The following SCO1 variants were observed in gnomAD, a reference collection of about 807,000 sequenced individuals.
SCO1 encodes cytochrome c oxidase assembly factor SCO1.
In SCO1, 23 loss-of-function variants were observed where a neutral mutation model predicts 34.0. That is an observed-to-expected ratio of 0.68 (90% CI 0.49 to 0.96). SCO1 has a LOEUF of 0.96. SCO1 is among the 40% of genes least tolerant of loss of function. SCO1 has a pLI of 0.00. For missense variants in SCO1, 404 were observed against 381.6 expected, an observed-to-expected ratio of 1.06 and a Z score of -0.49; for synonymous variants, 161 against 145.5, an observed-to-expected ratio of 1.11 and a Z score of -0.77.
chr17:10,693,037 G>T, intron 2 of SCO1, 76 bp from the exon 3 acceptor site: 2 of 1,237,000 alleles, frequency 1.6e-6, no homozygotes, highest in Non-Finnish European at 2.4e-6. Flanking sequence ...CTGACATATG[G>T]CCCGTACTAT....
rs116479738 is a variant in SCO1, at chr17:10,682,385, A to G, written c.772-1132T>C. On this transcript the variant is annotated intron_variant, in intron 5 of 5. Transcript: ENST00000255390. ...ACACCAAAAGAGCGCCAACAACTGG[A>G]TTCCAAGTGCTGTGGGATAGTTCAC... Among the ~76,000 whole-genome samples, 133 of 152,316 alleles carry G rather than the reference A, an allele frequency of 8.7e-4. 1 individual carries two copies. The highest frequency in any genetic ancestry group is 2.7e-3 in the African/African-American group (114 of 41,572).
rs770797742 is a variant in SCO1 at position 10,693,443 on chromosome 17, A to C, written c.365-482T>G. Among the ~76,000 whole-genome samples, 4 of 152,338 alleles carry C rather than the reference A, an allele frequency of 2.6e-5. No individual in the cohort carries two copies. The South Asian group carries it at 8.3e-4, about 32-fold the overall frequency. On this transcript the variant is annotated intron_variant, in intron 2 of 5. Coordinates refer to ENST00000255390, the MANE Select transcript of SCO1 (RefSeq NM_004589.4). ...AGTATATTAAAGAGAAGAGAGTTAC[A>C]ATAGGAAACAAGAGTCAACTATGGA...
chr17:10,686,753 G>A lies in SCO1; in HGVS notation c.745C>T (p.Pro249Ser), dbSNP rs1193839194. 1.2e-6 allele frequency: 2 copies of A among 1,612,652 alleles called. No individual in the cohort carries two copies. Among genetic ancestry groups the A allele is most frequent in the Non-Finnish European group, 1.7e-6 (2 of 1,178,862 alleles). The change falls in exon 5 of 6, where the codon CCC (proline) becomes TCC (serine). Residue 249 changes from proline to serine, a missense_variant. Coordinates refer to ENST00000255390, the MANE Select transcript of SCO1 (RefSeq NM_004589.4). Reference protein sequence around the residue: ...RAYRVYYSPGPKDEDEDYIVD... With the variant: ...RAYRVYYSPGSKDEDEDYIVD... ...ATGTAGTCTTCATCTTCGTCCTTGG[G>A]GCCAGGGCTGTAATACACTCTGTAT...
Position 10,676,658 on chromosome 17 carries a change from G to A in SCO1, c.*4461C>T, listed in dbSNP as rs998966122. The A allele has an allele frequency of 4.6e-5, 7 of 152,300 alleles. No homozygotes were observed. In the South Asian group the frequency reaches 1.5e-3, roughly 32 times the overall value. 9.4% of individuals were successfully genotyped at this position (152,300 alleles called of 1,614,324 possible). A position where few individuals can be genotyped will look rare whatever the true frequency, so the allele number is the denominator to read the frequency against. The stretch of plus-strand genomic sequence containing the variant: ...TCTCATGAAATAGTGCACAGAGTCA[G>A]TGACTTTAAGGCCCCTTATGAGGGG... On this transcript the variant is annotated 3_prime_UTR_variant, in exon 6 of 6. Transcript: ENST00000255390.
rs1357447748 is a variant in SCO1, at chr17:10,686,960, C to A, written c.656-118G>T. ...ACTGCCACTTTCTTCCTGTGAGTCT[C>A]CAAACATTTCTTCACGATTCAAAGG... On this transcript the variant is annotated intron_variant, in intron 4 of 5. Coordinates refer to ENST00000255390, the MANE Select transcript of SCO1 (RefSeq NM_004589.4). The A allele has an allele frequency of 4.2e-6, 3 of 717,686 alleles. No individual in the cohort carries two copies. The African/African-American group carries it at 5.3e-5, about 13-fold the overall frequency. The allele number at this position is 717,686 out of a possible 1,614,324, so 44.5% of individuals were successfully genotyped here.
At chr17:10,694,679 C>CA (rs1426840461) in intron 2 of SCO1, among the ~76,000 whole-genome samples, 1 of 151,856 alleles carries the variant, frequency 6.6e-6, no homozygotes, top group African/African-American at 2.4e-5. Flanking sequence ...TTAAATAAAA[C>CA]AAACGTTAGA....
intron 5 of SCO1, among the ~76,000 whole-genome samples, chr17:10,681,584 A>G (rs559020772): frequency 6.6e-6 from 1 of 152,356 alleles, no homozygotes; most frequent in Admixed American, 6.5e-5. Flanking sequence ...GCTTTCATAA[A>G]GCAGTCAATG....
At chr17:10,697,205 G>A (rs1222496296) in intron 1 of SCO1, 30 bp downstream of exon 1, 12 of 1,492,604 alleles carry the variant, frequency 8.0e-6, no homozygotes, top group African/African-American at 1.4e-5. Flanking sequence ...GCCGCGACGA[G>A]CACCAGAAGG....
In SCO1 at chr17:10,681,088, G is replaced by A. The variant is rs2074618941; in HGVS notation, c.*31C>T. ...GAGACAGTTTCCTTCCTCTTAGCAA[G>A]AGAATACTGCATCCAGCAACACTGC... is the stretch of plus-strand genomic sequence containing the variant. On this transcript the variant is annotated 3_prime_UTR_variant, in exon 6 of 6. Coordinates refer to ENST00000255390, the MANE Select transcript of SCO1 (RefSeq NM_004589.4). The A allele has an allele frequency of 3.1e-6, 5 of 1,613,792 alleles. No homozygotes were observed. In the South Asian group the frequency reaches 4.4e-5, roughly 14 times the overall value.
chr17:10,686,642 C>A, intron 5 of SCO1, 85 bp downstream of exon 5: 1 of 870,302 alleles, frequency 1.1e-6, no homozygotes, highest in African/African-American at 1.6e-5. Flanking sequence ...TCTCTCTTCT[C>A]AGAAGCTAGT....
rs1016007399 is a variant in SCO1 at position 10,680,790 on chromosome 17, A to C, written c.*329T>G. ...ATGGAGAGGCGGCAAAGCTGCTGGG[A>C]GGGCCTGTTCGCAGGCAGGAATGCA... On this transcript the variant is annotated 3_prime_UTR_variant, in exon 6 of 6. Transcript: ENST00000255390. 2.8e-5 allele frequency: 11 copies of C among 398,796 alleles called. No homozygotes were observed. The highest frequency in any genetic ancestry group is 4.2e-5 in the Non-Finnish European group (9 of 213,902). The allele number at this position is 398,796 out of a possible 1,614,324, so 24.7% of individuals were successfully genotyped here. A position where few individuals can be genotyped will look rare whatever the true frequency, so the allele number is the denominator to read the frequency against.
intron 4 of SCO1, among the ~76,000 whole-genome samples, chr17:10,687,426 T>C (rs531279136): frequency 7.0e-4 from 107 of 152,342 alleles, no homozygotes; most frequent in Admixed American, 1.5e-3. Context: ...CTATTAAGTT[T>C]TTGGAATTCA....
chr17:10,673,405 G>C lies in SCO1; in HGVS notation c.*7714C>G, dbSNP rs1014895239. ...TTGTGCTGTGATCCCGCACGTTCCC[G>C]ACAGGGCTTTCTGAATGTACGGGGC... On this transcript the variant is annotated 3_prime_UTR_variant, in exon 6 of 6. Coordinates refer to ENST00000255390, the MANE Select transcript of SCO1 (RefSeq NM_004589.4). 1 of 152,190 alleles carries C rather than the reference G, an allele frequency of 6.6e-6. No homozygotes were observed. The highest frequency in any genetic ancestry group is 1.9e-4 in the East Asian group (1 of 5,190). The allele number at this position is 152,190 out of a possible 1,614,324, so 9.4% of individuals were successfully genotyped here. A position where few individuals can be genotyped will look rare whatever the true frequency, so the allele number is the denominator to read the frequency against.
At chr17:10,689,656 T>C (rs2074678828) in intron 4 of SCO1, among the ~76,000 whole-genome samples, 1 of 152,214 alleles carries the variant, frequency 6.6e-6, no homozygotes, top group African/African-American at 2.4e-5. Context: ...ACAGAGGTGT[T>C]TGATTGAAAT....
In SCO1 at chr17:10,697,250, G is replaced by A. The variant is rs779749349; in HGVS notation, c.258C>T (p.Arg86=). The A allele has an allele frequency of 6.4e-7, 1 of 1,561,002 alleles. No individual in the cohort carries two copies. Among genetic ancestry groups the A allele is most frequent in the South Asian group, 1.2e-5 (1 of 84,498 alleles). Residue 86 remains arginine, a synonymous_variant, in exon 1 of 6, where the codon CGC becomes CGT. Coordinates refer to ENST00000255390, the MANE Select transcript of SCO1 (RefSeq NM_004589.4). Reference sequence around the variant, plus strand: ...GTGCACTCACCCCGGGCTTCGAGGGGCGCGTGGAGTCTCCGGGGCCCTTCT... The same window carrying A: ...GTGCACTCACCCCGGGCTTCGAGGGACGCGTGGAGTCTCCGGGGCCCTTCT... The part of the protein sequence containing the change: ...WSQKGPGDST[R]PSKPGPVSWK...
rs1459207836 is a variant in SCO1, at chr17:10,677,886, G to C, written c.*3233C>G. 6.6e-6 allele frequency: 1 copy of C among 152,292 alleles called. No homozygotes were observed. Among genetic ancestry groups the C allele is most frequent in the Non-Finnish European group, 1.5e-5 (1 of 68,134 alleles). The allele number at this position is 152,292 out of a possible 1,614,324, so 9.4% of individuals were successfully genotyped here. On this transcript the variant is annotated 3_prime_UTR_variant, in exon 6 of 6. Coordinates refer to ENST00000255390, the MANE Select transcript of SCO1 (RefSeq NM_004589.4). ...AATCCCAGCACTTTGGGAGGCCGAG[G>C]CGGCGGATCACCTGAGGTCGGGAGT...
chr17:10,691,578 A>G (rs2074689274), intron 4 of SCO1, among the ~76,000 whole-genome samples: 1 of 152,216 alleles, frequency 6.6e-6, no homozygotes, highest in South Asian at 2.1e-4. Context: ...GTTAGAAGCA[A>G]TGTGTCCTTA....
At chr17:10,686,137 G>C (rs986159012) in intron 5 of SCO1, among the ~76,000 whole-genome samples, 4 of 152,216 alleles carry the variant, frequency 2.6e-5, no homozygotes, top group African/African-American at 9.6e-5. Context: ...AGCTACGCGA[G>C]AGGCTGAGGG....
At chr17:10,689,536 G>A (rs2074678364) in intron 4 of SCO1, among the ~76,000 whole-genome samples, 1 of 152,114 alleles carries the variant, frequency 6.6e-6, no homozygotes, top group Non-Finnish European at 1.5e-5. Context: ...CTTGAGTCTA[G>A]AGAAATTAAA....
Sources: gnomAD v4.1 joint callset for allele counts (sites outside exome capture counted in the v4.1 genomes callset) on GRCh38, gnomAD v4.1.1 for gene constraint, MANE v1.5 for transcripts, NCBI Gene and HGNC (gene_info 2026-07-23, HGNC 2026-07-21) for gene names.